DPP8: variants seen among roughly 807,000 people sequenced by gnomAD.
The protein encoded by DPP8 is dipeptidyl peptidase 8.
Under a neutral mutation model 107.5 loss-of-function variants are expected in DPP8, and 31 were observed. That is an observed-to-expected ratio of 0.29 (90% CI 0.22 to 0.39). DPP8 has a LOEUF of 0.39. DPP8 is among the 10% of genes least tolerant of loss of function. The pLI, the probability that DPP8 is intolerant of heterozygous loss-of-function variation, is 1.00. For synonymous variants in DPP8, 381 were observed against 356.6 expected (o/e 1.07, Z -0.77); for missense variants, 842 against 1,076.1 (o/e 0.78, Z 3.04).
In DPP8 at chr15:65,500,714, T is replaced by C; in HGVS notation, c.438A>G (p.Gly146=). 6.2e-7 allele frequency: 1 copy of C among 1,613,904 alleles called. No homozygotes were observed. Residue 146 remains glycine (G), a synonymous_variant, in exon 4 of 20, where the codon GGA becomes GGG. Transcript: ENST00000300141. ...EELLRERKRI[G]TVGIASYDYH... ...AATCGTAAGAAGCAATTCCGACTGT[T>C]CCAATGCGTTTTCTTTCTCTTAATA...
At chr15:65,477,734 G>A (rs1437539336) in intron 11 of DPP8, among the ~76,000 whole-genome samples, 1 of 151,768 alleles carries the variant, frequency 6.6e-6, no homozygotes, top group African/African-American at 2.4e-5. Flanking sequence ...GGGTTTCACT[G>A]TGTTAGCCAG....
chr15:65,497,243 CAA>C (rs747386906), intron 5 of DPP8, among the ~76,000 whole-genome samples: 2 of 151,850 alleles, frequency 1.3e-5, no homozygotes, highest in Non-Finnish European at 2.9e-5. Context: ...TTCTCAAAAA[CAA>C]AACTAATTTT....
chr15:65,479,837 C>A (rs555118577), intron 10 of DPP8, among the ~76,000 whole-genome samples: 2 of 115,004 alleles, frequency 1.7e-5, no homozygotes, highest in South Asian at 5.4e-4. Context: ...GGCGACAGAG[C>A]GAGACTCCGT....
intron 5 of DPP8, among the ~76,000 whole-genome samples, chr15:65,495,038 A>G (rs918406876): frequency 6.6e-6 from 1 of 152,156 alleles, no homozygotes; most frequent in African/African-American, 2.4e-5. Context: ...GATAAAGTCC[A>G]TGTTCTTTTA....
At chr15:65,515,109 G>A (rs2071282386) in intron 1 of DPP8, among the ~76,000 whole-genome samples, 1 of 152,134 alleles carries the variant, frequency 6.6e-6, no homozygotes, top group Non-Finnish European at 1.5e-5. Flanking sequence ...CTCCTGAGCA[G>A]CTAAGACCAC....
chr15:65,448,153 G>A (rs949085630), intron 19 of DPP8, among the ~76,000 whole-genome samples: 3 of 152,064 alleles, frequency 2.0e-5, no homozygotes, highest in African/African-American at 7.2e-5. Flanking sequence ...GGGAGGCTGA[G>A]GTGGGAGGAT....
intron 4 of DPP8, among the ~76,000 whole-genome samples, chr15:65,499,097 GTGTGTGTGTA>G (rs940430052): frequency 1.5e-5 from 2 of 135,372 alleles, no homozygotes; most frequent in Non-Finnish European, 3.2e-5. Flanking sequence ...GTGTGTGTGT[GTGTGTGTGTA>G]TATATAAATT....
rs750733422 is a variant in DPP8, at chr15:65,466,663, G to A, written c.1825+15C>T. The A allele has an allele frequency of 1.9e-6, 3 of 1,611,896 alleles. No homozygotes were observed. The highest frequency in any genetic ancestry group is 2.7e-5 in the African/African-American group (2 of 74,818). On this transcript the variant is annotated intron_variant, in intron 14 of 19. Coordinates refer to ENST00000300141, the MANE Select transcript of DPP8 (RefSeq NM_130434.5). ...AATCCTACTTAACGTCAGGATCAGG[G>A]GGAAAAAAGAATACCTGCTGAATCC...
intron 8 of DPP8, among the ~76,000 whole-genome samples, chr15:65,482,546 G>T (rs956837060): frequency 4.6e-5 from 7 of 152,050 alleles, no homozygotes; most frequent in Non-Finnish European, 1.0e-4. Flanking sequence ...AAATAGTTGG[G>T]ATTACAGGTG....
At chr15:65,480,027 C>A (rs929232977) in intron 10 of DPP8, among the ~76,000 whole-genome samples, 195 bp downstream of exon 10, 11 of 152,038 alleles carry the variant, frequency 7.2e-5, no homozygotes, top group African/African-American at 2.7e-4. Context: ...GATGTCATTT[C>A]AATGGCATCT....
At chr15:65,453,105 T>C (rs145199895) in intron 17 of DPP8, among the ~76,000 whole-genome samples, 1,548 of 152,346 alleles carry the variant, frequency 0.01, 22 homozygotes, top group African/African-American at 0.036. Flanking sequence ...TGTAATTTCT[T>C]CTAGTATATT....
At position 65,446,213 on chromosome 15, in the gene DPP8, C is replaced by A. The variant is rs940670111; in HGVS notation, c.*671G>T. On this transcript the variant is annotated 3_prime_UTR_variant, in exon 20 of 20. Coordinates refer to ENST00000300141, the MANE Select transcript of DPP8 (RefSeq NM_130434.5). ...ACTAGCCTTTATGCAAAAGGAAAAG[C>A]CCACTCTGTTAATATCATCAAAGAA... The A allele has an allele frequency of 1.3e-5, 2 of 151,914 alleles. No homozygotes were observed. The highest frequency in any genetic ancestry group is 4.8e-5 in the African/African-American group (2 of 41,330). The allele number at this position is 151,914 out of a possible 1,614,324, so 9.4% of individuals were successfully genotyped here.
chr15:65,501,168 C>T (rs561060253), intron 3 of DPP8, among the ~76,000 whole-genome samples: 22 of 152,230 alleles, frequency 1.4e-4, no homozygotes, highest in Admixed American at 7.2e-4. Flanking sequence ...TGAGACACCG[C>T]GCCTGGCGAC....
intron 15 of DPP8, among the ~76,000 whole-genome samples, chr15:65,457,549 G>A (rs1360879762): frequency 4.0e-5 from 6 of 151,872 alleles, no homozygotes; most frequent in Non-Finnish European, 7.4e-5. Context: ...TTTTTTTGTA[G>A]AGATGGGGTC....
At position 65,467,232 on chromosome 15, in the gene DPP8, A is replaced by G. The variant is rs1423580725; in HGVS notation, c.1537-9T>C. 7.4e-6 allele frequency: 12 copies of G among 1,613,682 alleles called. No homozygotes were observed. The highest frequency in any genetic ancestry group is 1.1e-5 in the South Asian group (1 of 90,902). ...ACTTCATCAACTTGGATCTGACAAGATAACAACAATAACAAAATCAGGGCT... is the reference window on the plus strand; with the variant it reads ...ACTTCATCAACTTGGATCTGACAAGGTAACAACAATAACAAAATCAGGGCT... On this transcript the variant is annotated splice_polypyrimidine_tract_variant and intron_variant, in intron 12 of 19. Coordinates refer to ENST00000300141, the MANE Select transcript of DPP8 (RefSeq NM_130434.5).
intron 19 of DPP8, among the ~76,000 whole-genome samples, chr15:65,450,518 G>C (rs1056818908): frequency 6.6e-6 from 1 of 152,150 alleles, no homozygotes; most frequent in Non-Finnish European, 1.5e-5. Flanking sequence ...GTAAAACACA[G>C]TTTTAAGAAA....
intron 7 of DPP8, 53 bp from the exon 8 acceptor site, chr15:65,485,213 A>C: frequency 7.2e-7 from 1 of 1,386,026 alleles, no homozygotes; most frequent in Non-Finnish European, 1.0e-6. Flanking sequence ...TACTCAAATT[A>C]ATTTTGCCAG....
At chr15:65,496,620 G>A (rs1474982920) in intron 5 of DPP8, among the ~76,000 whole-genome samples, 3 of 151,878 alleles carry the variant, frequency 2.0e-5, no homozygotes, top group Admixed American at 2.0e-4. Context: ...TTTCTATTAT[G>A]ACAATAACTA....
intron 19 of DPP8, among the ~76,000 whole-genome samples, chr15:65,449,977 T>C (rs186632760): frequency 9.7e-6 from 1 of 103,618 alleles, no homozygotes; most frequent in African/African-American, 3.4e-5. Flanking sequence ...TATTATTATT[T>C]TTTTTTTGAG....
Sources: gnomAD v4.1 joint callset for allele counts (sites outside exome capture counted in the v4.1 genomes callset) on GRCh38, gnomAD v4.1.1 for gene constraint, MANE v1.5 for transcripts, NCBI Gene and HGNC (gene_info 2026-07-23, HGNC 2026-07-21) for gene names.